The following TMEM132D variants were observed in gnomAD, a reference collection of about 807,000 sequenced individuals.
The protein encoded by TMEM132D is transmembrane protein 132D.
In TMEM132D, 21 loss-of-function variants were observed where a neutral mutation model predicts 62.3. That is an observed-to-expected ratio of 0.34 (90% CI 0.24 to 0.49). TMEM132D has a LOEUF of 0.49. Among genes scored for constraint, TMEM132D ranks in the 20% least tolerant of loss-of-function variants. The pLI is 0.99. For synonymous variants in TMEM132D, 621 were observed against 575.6 expected, an observed-to-expected ratio of 1.08 and a Z score of -1.13; for missense variants, 1,346 against 1,402.8, an observed-to-expected ratio of 0.96 and a Z score of 0.65.
At chr12:129,114,536 G>A (rs1024378630) in intron 5 of TMEM132D, among the ~76,000 whole-genome samples, 12 of 149,100 alleles carry the variant, frequency 8.0e-5, no homozygotes, top group South Asian at 2.1e-4. Context: ...ACTTTTTATC[G>A]CATACAGCTA....
chr12:129,646,195 A>G (rs971938307), intron 2 of TMEM132D, among the ~76,000 whole-genome samples: 3 of 152,186 alleles, frequency 2.0e-5, no homozygotes, highest in South Asian at 2.1e-4. Flanking sequence ...TTTGGCTTAT[A>G]ACAGCTCCCA....
chr12:129,530,367 G>T (rs1276970946), intron 3 of TMEM132D, among the ~76,000 whole-genome samples: 1 of 152,040 alleles, frequency 6.6e-6, no homozygotes, highest in Non-Finnish European at 1.5e-5. Context: ...CAACATACAG[G>T]TGACAAAAAT....
intron 4 of TMEM132D, among the ~76,000 whole-genome samples, chr12:129,254,772 C>A: frequency 6.6e-6 from 1 of 152,118 alleles, no homozygotes; most frequent in East Asian, 1.9e-4. Flanking sequence ...GCCTCATCCT[C>A]TTCTGATTTA....
Position 129,322,533 on chromosome 12 carries a change from C to T in TMEM132D, c.1299+15101G>A, listed in dbSNP as rs111245187. Among the ~76,000 whole-genome samples the T allele has an allele frequency of 6.7e-3, 1,018 of 151,972 alleles. 4 individuals are homozygous for T. The highest frequency in any genetic ancestry group is 0.01 in the Non-Finnish European group (681 of 67,976). On this transcript the variant is annotated intron_variant, in intron 4 of 8. Transcript: ENST00000422113. ...TTCCGTTTATTTTGTAGAGCTGAAT[C>T]GTTTCTCGGTGGTTGAATTGCATGT...
chr12:129,162,557 T>C (rs767243267), intron 5 of TMEM132D, among the ~76,000 whole-genome samples: 2 of 151,986 alleles, frequency 1.3e-5, no homozygotes, highest in African/African-American at 2.4e-5. Flanking sequence ...AGTGTTGGAG[T>C]TGGGGCCTGG....
At chr12:129,183,549 T>C (rs1283331434) in intron 5 of TMEM132D, among the ~76,000 whole-genome samples, 2 of 152,230 alleles carry the variant, frequency 1.3e-5, no homozygotes, top group East Asian at 3.9e-4. Flanking sequence ...GTTTTGGGCC[T>C]GAGGTTGATG....
intron 5 of TMEM132D, among the ~76,000 whole-genome samples, chr12:129,141,290 C>T (rs1876735100): frequency 6.6e-6 from 1 of 152,078 alleles, no homozygotes; most frequent in East Asian, 1.9e-4. Context: ...ATGTCAGGCC[C>T]TGTTTTAGAC....
At chr12:129,078,893 G>T (rs1874363215) in intron 7 of TMEM132D, among the ~76,000 whole-genome samples, 168 bp from the exon 8 acceptor site, 1 of 152,182 alleles carries the variant, frequency 6.6e-6, no homozygotes, top group South Asian at 2.1e-4. Flanking sequence ...CATATGTATT[G>T]CTTGAGAAAA....
intron 5 of TMEM132D, among the ~76,000 whole-genome samples, chr12:129,191,522 T>C (rs907162384): frequency 8.1e-5 from 12 of 148,650 alleles, no homozygotes; most frequent in African/African-American, 2.6e-4. Flanking sequence ...TAGCTATATA[T>C]AGGTTATATA....
At chr12:129,695,663 T>C (rs10773695) in intron 2 of TMEM132D, among the ~76,000 whole-genome samples, 47,837 of 152,256 alleles carry the variant, frequency 0.31, 8,277 homozygotes, top group African/African-American at 0.46. Context: ...GGAACCATTT[T>C]ACTTCATGGA....
chr12:129,866,831 C>T (rs1423793794), intron 1 of TMEM132D, among the ~76,000 whole-genome samples: 1 of 152,160 alleles, frequency 6.6e-6, no homozygotes, highest in Non-Finnish European at 1.5e-5. Flanking sequence ...ATGTTCAGAA[C>T]TTCTGCTCAT....
At chr12:129,628,689 G>T (rs1302685751) in intron 2 of TMEM132D, among the ~76,000 whole-genome samples, 2 of 152,134 alleles carry the variant, frequency 1.3e-5, no homozygotes, top group African/African-American at 4.8e-5. Context: ...GTAGAACATG[G>T]TAAATGTTAC....
chr12:129,877,366 G>A (rs1048843507), intron 1 of TMEM132D, among the ~76,000 whole-genome samples: 2 of 151,954 alleles, frequency 1.3e-5, no homozygotes, highest in Admixed American at 6.6e-5. Flanking sequence ...TCATGTACAC[G>A]TGTCAGACCA....
intron 4 of TMEM132D, among the ~76,000 whole-genome samples, chr12:129,285,539 A>AAAAAAAAAAAAAAAAAAAGAG (rs56018646): frequency 4.6e-4 from 41 of 90,058 alleles, no homozygotes; most frequent in East Asian, 6.9e-4. Context: ...AAAAAAAAAA[A>AAAAAAAAAAAAAAAAAAAGAG]AGAGAGAGAG....
intron 2 of TMEM132D, among the ~76,000 whole-genome samples, chr12:129,610,983 T>C (rs1489299809): frequency 2.0e-5 from 3 of 152,176 alleles, no homozygotes; most frequent in African/African-American, 7.2e-5. Context: ...GGCAGAACCA[T>C]AATATTCATC....
At chr12:129,570,391 G>A (rs993931397) in intron 2 of TMEM132D, among the ~76,000 whole-genome samples, 5 of 152,210 alleles carry the variant, frequency 3.3e-5, no homozygotes, top group Non-Finnish European at 7.3e-5. Context: ...GATAGCCTGA[G>A]ACAAGGATTC....
rs535869818 is a variant in TMEM132D at position 129,340,115 on chromosome 12, G to C, written c.1116-2298C>G. On this transcript the variant is annotated intron_variant, in intron 3 of 8. Coordinates refer to ENST00000422113, the MANE Select transcript of TMEM132D (RefSeq NM_133448.3). ...CTATAATACCCTTCAATTAATAGAA[G>C]GTAATAAGTGCTCCCTTTACTTCAT... Among the ~76,000 whole-genome samples the C allele has an allele frequency of 1.4e-4, 21 of 152,202 alleles. No individual in the cohort carries two copies. In the South Asian group the frequency reaches 4.2e-3, roughly 30 times the overall value.
At chr12:129,773,743 A>C (rs1053242550) in intron 1 of TMEM132D, among the ~76,000 whole-genome samples, 1 of 152,212 alleles carries the variant, frequency 6.6e-6, no homozygotes, top group Non-Finnish European at 1.5e-5. Context: ...GGAATACTTC[A>C]TATTCACCAG....
At chr12:129,583,658 C>T (rs182943130) in intron 2 of TMEM132D, among the ~76,000 whole-genome samples, 3 of 152,084 alleles carry the variant, frequency 2.0e-5, no homozygotes, top group Admixed American at 6.5e-5. Context: ...AAATAACCTG[C>T]GCTATGAGGA....
Sources: allele counts gnomAD v4.1 joint callset (sites outside exome capture counted in the v4.1 genomes callset), GRCh38; gene constraint gnomAD v4.1.1; transcripts MANE v1.5; gene names NCBI Gene and HGNC (gene_info 2026-07-23, HGNC 2026-07-21).